Variants in TRAPPC9 observed in about 807,000 individuals in gnomAD.
TRAPPC9 encodes IKK2 binding protein.
TRAPPC9 carries 83 observed loss-of-function variants against 124.0 expected under a neutral mutation model. The observed-to-expected ratio is 0.67, with a 90% CI of 0.56 to 0.80. TRAPPC9 has a LOEUF of 0.80. Among genes scored for constraint, TRAPPC9 ranks in the 30% least tolerant of loss-of-function variants. The pLI, the probability that TRAPPC9 is intolerant of heterozygous loss-of-function variation, is 0.00. For missense variants in TRAPPC9, 1,302 were observed against 1,508.3 expected, an observed-to-expected ratio of 0.86 and a Z score of 2.27; for synonymous variants, 638 against 617.5, an observed-to-expected ratio of 1.03 and a Z score of -0.49.
chr8:140,053,577 T>C (rs1431397970), intron 17 of TRAPPC9, among the ~76,000 whole-genome samples: 2 of 103,068 alleles, frequency 1.9e-5, no homozygotes, highest in East Asian at 5.4e-4. Context: ...TTAGGAACAT[T>C]TGGTCTATAG....
At chr8:139,883,829 A>G (rs1195206706) in intron 21 of TRAPPC9, among the ~76,000 whole-genome samples, 2 of 152,012 alleles carry the variant, frequency 1.3e-5, no homozygotes, top group African/African-American at 4.8e-5. Flanking sequence ...GGCTCTGCTC[A>G]CTCTGGAGCC....
chr8:140,169,363 G>A (rs1207393329), intron 17 of TRAPPC9, among the ~76,000 whole-genome samples: 1 of 152,148 alleles, frequency 6.6e-6, no homozygotes, highest in Non-Finnish European at 1.5e-5. Context: ...TTCAGCTGCT[G>A]TCGAATACAG....
intron 17 of TRAPPC9, among the ~76,000 whole-genome samples, chr8:140,206,499 A>T (rs1011117264): frequency 6.6e-6 from 1 of 152,146 alleles, no homozygotes; most frequent in African/African-American, 2.4e-5. Context: ...AGAACAAGGA[A>T]AAAAATCTAG....
chr8:139,968,479 G>A (rs765357079), intron 19 of TRAPPC9, among the ~76,000 whole-genome samples: 5 of 152,150 alleles, frequency 3.3e-5, no homozygotes, highest in African/African-American at 7.2e-5. Flanking sequence ...GGACTCGGCC[G>A]GCCTTTGGGC....
chr8:139,859,642 T>C (rs1365942134), intron 21 of TRAPPC9, among the ~76,000 whole-genome samples: 1 of 152,200 alleles, frequency 6.6e-6, no homozygotes, highest in African/African-American at 2.4e-5. Context: ...ATCTGCCCCA[T>C]GCGGCCAGAC....
At chr8:140,362,893 C>T (rs987976181) in intron 8 of TRAPPC9, among the ~76,000 whole-genome samples, 3 of 152,170 alleles carry the variant, frequency 2.0e-5, no homozygotes, top group African/African-American at 7.2e-5. Flanking sequence ...GTTCCTACCA[C>T]GGGCGATTAT....
chr8:139,889,204 C>G (rs1406247843), intron 20 of TRAPPC9, among the ~76,000 whole-genome samples: 2 of 152,224 alleles, frequency 1.3e-5, no homozygotes, highest in African/African-American at 4.8e-5. Context: ...TACAACAGGA[C>G]AAACACCTAT....
intron 21 of TRAPPC9, among the ~76,000 whole-genome samples, chr8:139,816,469 G>A (rs1824841289): frequency 6.6e-6 from 1 of 152,192 alleles, no homozygotes; most frequent in East Asian, 1.9e-4. Flanking sequence ...TTGTGGGGCT[G>A]GGAGAGACGC....
intron 19 of TRAPPC9, among the ~76,000 whole-genome samples, chr8:139,959,979 C>T (rs893753003): frequency 1.3e-5 from 2 of 152,194 alleles, no homozygotes; most frequent in East Asian, 1.9e-4. Context: ...GAGGCGGCGG[C>T]GAGAGGCTCT....
intron 8 of TRAPPC9, among the ~76,000 whole-genome samples, chr8:140,367,103 C>T (rs545150647): frequency 6.6e-6 from 1 of 152,300 alleles, no homozygotes; most frequent in African/African-American, 2.4e-5. Context: ...GCAGCAGGAA[C>T]TCTCATTCAT....
At chr8:140,286,269 G>A (rs532935678) in intron 13 of TRAPPC9, among the ~76,000 whole-genome samples, 45 of 152,274 alleles carry the variant, frequency 3.0e-4, no homozygotes, top group African/African-American at 6.7e-4. Flanking sequence ...AGGAGGTTGC[G>A]GAGGCCAGCA....
chr8:139,968,711 C>T (rs1364884254), intron 19 of TRAPPC9, among the ~76,000 whole-genome samples: 1 of 152,310 alleles, frequency 6.6e-6, no homozygotes, highest in African/African-American at 2.4e-5. Flanking sequence ...ACAAGACAGG[C>T]ACTACACCAG....
intron 19 of TRAPPC9, among the ~76,000 whole-genome samples, chr8:139,963,749 CAAAA>C (rs58224556): frequency 1.5e-3 from 157 of 107,322 alleles, no homozygotes; most frequent in East Asian, 9.0e-3. Flanking sequence ...CCAGTTCTAC[CAAAA>C]AAAAAAAAAA....
intron 21 of TRAPPC9, among the ~76,000 whole-genome samples, chr8:139,737,977 G>A (rs1586733800): frequency 6.6e-6 from 1 of 152,196 alleles, no homozygotes; most frequent in South Asian, 2.1e-4. Context: ...GAACACTGAC[G>A]AAGCTCTGTG....
intron 17 of TRAPPC9, among the ~76,000 whole-genome samples, chr8:140,033,333 T>C (rs1840617845): frequency 6.6e-6 from 1 of 152,230 alleles, no homozygotes; most frequent in African/African-American, 2.4e-5. Flanking sequence ...AAATTTACCT[T>C]TTCTACAAAC....
intron 17 of TRAPPC9, among the ~76,000 whole-genome samples, chr8:140,106,600 G>C (rs1286625550): frequency 6.6e-6 from 1 of 152,142 alleles, no homozygotes; most frequent in East Asian, 1.9e-4. Context: ...GGGGAGCGAG[G>C]GGGCAGTGAG....
At chr8:140,248,693 T>C (rs1563880396) in intron 16 of TRAPPC9, among the ~76,000 whole-genome samples, 2 of 152,324 alleles carry the variant, frequency 1.3e-5, no homozygotes, top group Non-Finnish European at 2.9e-5. Flanking sequence ...ATTTTAAACA[T>C]AAAATTCCAA....
chr8:139,842,141 C>G (rs1324128450), intron 21 of TRAPPC9, among the ~76,000 whole-genome samples: 1 of 152,238 alleles, frequency 6.6e-6, no homozygotes, highest in African/African-American at 2.4e-5. Context: ...CTGGTCAGAG[C>G]TGTGCTTTTA....
At chr8:140,452,696 A>G (rs1171513224) in intron 1 of TRAPPC9, among the ~76,000 whole-genome samples, 1 of 152,212 alleles carries the variant, frequency 6.6e-6, no homozygotes, top group African/African-American at 2.4e-5. Flanking sequence ...TCTGGCTCAT[A>G]GGAGATCCTC....
Sources: allele counts gnomAD v4.1 joint callset (sites outside exome capture counted in the v4.1 genomes callset), GRCh38; gene constraint gnomAD v4.1.1; transcripts MANE v1.5; gene names NCBI Gene and HGNC (gene_info 2026-07-23, HGNC 2026-07-21).